AP2B1: variants seen among roughly 807,000 people sequenced by gnomAD.
AP2B1 encodes adaptor related protein complex 2 subunit beta 1.
Under a neutral mutation model 102.0 loss-of-function variants are expected in AP2B1, and 23 were observed. That is an observed-to-expected ratio of 0.23 (90% CI 0.16 to 0.32). The LOEUF is 0.32. Among genes scored for constraint, AP2B1 ranks in the 10% least tolerant of loss-of-function variants. The pLI, the probability that AP2B1 is intolerant of heterozygous loss-of-function variation, is 1.00. For synonymous variants in AP2B1, 381 were observed against 421.2 expected (o/e 0.90, Z 1.17); for missense variants, 541 against 1,157.4 (o/e 0.47, Z 7.73).
At position 35,598,321 on chromosome 17, in the gene AP2B1, G is replaced by A. The variant is rs777315597; in HGVS notation, c.129G>A (p.Val43=). Residue 43 remains valine (V), a synonymous_variant, in exon 3 of 22, where the codon GTG becomes GTA. Coordinates refer to ENST00000610402, the MANE Select transcript of AP2B1 (RefSeq NM_001030006.2). ...AVKKVIAAMT[V]GKDVSSLFPD... ...AGAAAGTGATTGCTGCTATGACCGT[G>A]GGGAAGGATGTTAGGTAAGAGTAAT... 24 of 1,609,460 alleles carry A rather than the reference G, an allele frequency of 1.5e-5. No homozygotes were observed. The highest frequency in any genetic ancestry group is 2.0e-5 in the Non-Finnish European group (23 of 1,176,734).
chr17:35,646,278 A>T (rs2074930575), intron 12 of AP2B1, among the ~76,000 whole-genome samples: 1 of 152,324 alleles, frequency 6.6e-6, no homozygotes, highest in East Asian at 1.9e-4. Context: ...ATTTTTATTT[A>T]TCTCGGTCTT....
At chr17:35,617,058 CT>C (rs1043829126) in intron 5 of AP2B1, among the ~76,000 whole-genome samples, 6 of 150,114 alleles carry the variant, frequency 4.0e-5, no homozygotes, top group Non-Finnish European at 8.9e-5. Context: ...AACACATATC[CT>C]TTTTTTTTTC....
chr17:35,675,633 C>T (rs200487771), intron 17 of AP2B1, among the ~76,000 whole-genome samples: 2,340 of 137,644 alleles, frequency 0.017, 39 homozygotes, highest in African/African-American at 0.047. Flanking sequence ...TTTTTTTTTC[C>T]TTTTTTTTTT....
rs587741308 is a variant in AP2B1, at chr17:35,726,035, C to A, written c.*2336C>A. On this transcript the variant is annotated 3_prime_UTR_variant, in exon 22 of 22. Transcript: ENST00000610402. Reference sequence around the variant, plus strand: ...GAGAGGCAAAACCTGTTGCCTCCACCACGGCTTCCCTCTTGGCTCATTCCA... The same window carrying A: ...GAGAGGCAAAACCTGTTGCCTCCACAACGGCTTCCCTCTTGGCTCATTCCA... 1 of 152,318 alleles carries A rather than the reference C, an allele frequency of 6.6e-6. No homozygotes were observed. Among genetic ancestry groups the A allele is most frequent in the South Asian group, 2.1e-4 (1 of 4,834 alleles). The allele number at this position is 152,318 out of a possible 1,614,324, so 9.4% of individuals were successfully genotyped here.
chr17:35,702,305 T>C (rs11657558), intron 18 of AP2B1, among the ~76,000 whole-genome samples: 11,123 of 152,270 alleles, frequency 0.073, 471 homozygotes, highest in Middle Eastern at 0.11. Flanking sequence ...GAAAAGATAA[T>C]ATTTGGTTAA....
In AP2B1 at chr17:35,723,924, C is replaced by T. The variant is rs587775026; in HGVS notation, c.*225C>T. 5.6e-4 allele frequency: 255 copies of T among 452,918 alleles called. No homozygotes were observed. Among genetic ancestry groups the T allele is most frequent in the Admixed American group, 9.2e-4 (27 of 29,370 alleles). The allele number at this position is 452,918 out of a possible 1,614,324, so 28.1% of individuals were successfully genotyped here. ...TTCAGTCACCTCCCACCTCTTGCCA[C>T]CTGCTGCTGCTATCTGTCCTTACTT... On this transcript the variant is annotated 3_prime_UTR_variant, in exon 22 of 22. Transcript: ENST00000610402.
chr17:35,603,488 T>C (rs1251785553), intron 3 of AP2B1, among the ~76,000 whole-genome samples: 1 of 152,194 alleles, frequency 6.6e-6, no homozygotes. Flanking sequence ...AACTAGAACT[T>C]AGGAAAGGTA....
At position 35,723,736 on chromosome 17, in the gene AP2B1, C is replaced by A. The variant is rs375247774; in HGVS notation, c.*37C>A. 1.2e-5 allele frequency: 17 copies of A among 1,436,090 alleles called. No homozygotes were observed. The highest frequency in any genetic ancestry group is 6.7e-5 in the Admixed American group (4 of 59,302). The allele number at this position is 1,436,090 out of a possible 1,614,324, so 89.0% of individuals were successfully genotyped here. On this transcript the variant is annotated 3_prime_UTR_variant, in exon 22 of 22. Transcript: ENST00000610402. ...CAGTACCCTTCAACCATGCTGTGAT[C>A]GGTGCAAGTCAAGAACTCTTAACTG...
intron 9 of AP2B1, among the ~76,000 whole-genome samples, chr17:35,629,606 G>A (rs225257): frequency 0.87 from 132,352 of 152,216 alleles, 57,939 homozygotes; most frequent in African/African-American, 0.97. Flanking sequence ...GCATATCTAT[G>A]CATATAATTT....
chr17:35,617,157 A>G (rs556781341), intron 5 of AP2B1, among the ~76,000 whole-genome samples: 2 of 152,290 alleles, frequency 1.3e-5, no homozygotes, highest in African/African-American at 4.8e-5. Context: ...CTGGGCTCAA[A>G]TAATTCTCCC....
At chr17:35,679,742 CTG>C (rs138811564) in intron 17 of AP2B1, among the ~76,000 whole-genome samples, 1,528 of 152,180 alleles carry the variant, frequency 0.01, 19 homozygotes, top group African/African-American at 0.035. Context: ...GTTTTGATGA[CTG>C]TGAGAGCAAA....
intron 9 of AP2B1, among the ~76,000 whole-genome samples, chr17:35,636,061 C>T (rs1377289430): frequency 6.6e-6 from 1 of 151,690 alleles, no homozygotes; most frequent in Admixed American, 6.6e-5. Flanking sequence ...AATTAATATC[C>T]CTGACATAAA....
intron 18 of AP2B1, among the ~76,000 whole-genome samples, chr17:35,688,133 C>T (rs587657937): frequency 6.6e-6 from 1 of 152,266 alleles, no homozygotes; most frequent in South Asian, 2.1e-4. Flanking sequence ...GATTCATTCC[C>T]TTCATCAGCT....
At chr17:35,714,350 C>A (rs184888742) in intron 20 of AP2B1, among the ~76,000 whole-genome samples, 1 of 152,276 alleles carries the variant, frequency 6.6e-6, no homozygotes, top group African/African-American at 2.4e-5. Context: ...CTAATAAATA[C>A]CACAGCAGGG....
At chr17:35,606,893 A>T (rs1028098050) in intron 4 of AP2B1, among the ~76,000 whole-genome samples, 3 of 152,036 alleles carry the variant, frequency 2.0e-5, no homozygotes, top group African/African-American at 7.2e-5. Context: ...TAATAATGGG[A>T]TCATTCCCAT....
At chr17:35,628,652 T>G (rs955562533) in intron 9 of AP2B1, among the ~76,000 whole-genome samples, 2 of 152,208 alleles carry the variant, frequency 1.3e-5, no homozygotes, top group Admixed American at 6.5e-5. Flanking sequence ...CTTATGCTAT[T>G]ATTTATTAAT....
chr17:35,671,268 G>T (rs1166808790), intron 15 of AP2B1, among the ~76,000 whole-genome samples: 1 of 152,174 alleles, frequency 6.6e-6, no homozygotes, highest in East Asian at 1.9e-4. Context: ...TCGTAAATGA[G>T]TTAGTTTCAG....
chr17:35,676,844 G>C (rs931407922), intron 17 of AP2B1, among the ~76,000 whole-genome samples: 4 of 151,976 alleles, frequency 2.6e-5, no homozygotes, highest in African/African-American at 9.7e-5. Context: ...TGTTGTTTTT[G>C]GGGGGAGAGA....
At position 35,682,844 on chromosome 17, in the gene AP2B1, C is replaced by A; in HGVS notation, c.2454+20C>A. On this transcript the variant is annotated intron_variant, in intron 18 of 21. Coordinates refer to ENST00000610402, the MANE Select transcript of AP2B1 (RefSeq NM_001030006.2). ...CTCCAGGTCAGAGATTTACTTCACT[C>A]AGGTGGTACAAGTTAATATCTTGAC... 6.2e-7 allele frequency: 1 copy of A among 1,600,478 alleles called. No homozygotes were observed. Among genetic ancestry groups the A allele is most frequent in the South Asian group, 1.1e-5 (1 of 90,856 alleles).
Sources: gnomAD v4.1 joint callset for allele counts (sites outside exome capture counted in the v4.1 genomes callset) on GRCh38, gnomAD v4.1.1 for gene constraint, MANE v1.5 for transcripts, NCBI Gene and HGNC (gene_info 2026-07-23, HGNC 2026-07-21) for gene names.